Variants in CCDC144A observed in about 807,000 individuals in gnomAD.
CCDC144A encodes coiled-coil domain containing 144A, also known as coiled-coil domain-containing protein 144A.
CCDC144A carries 41 observed loss-of-function variants against 143.8 expected under a neutral mutation model. The ratio of observed to expected loss-of-function variants is 0.29; its 90% CI spans 0.22 to 0.37. The LOEUF (loss-of-function observed/expected upper bound fraction) is 0.37. Among genes scored for constraint, CCDC144A ranks in the 10% least tolerant of loss-of-function variants. CCDC144A has a pLI of 1.00. For missense variants in CCDC144A, 637 were observed against 1,488.8 expected, an observed-to-expected ratio of 0.43 and a Z score of 9.41; for synonymous variants, 242 against 517.9, an observed-to-expected ratio of 0.47 and a Z score of 7.23.
chr17:16,696,862 A>G (rs1247364002), intron 2 of CCDC144A, among the ~76,000 whole-genome samples: 3 of 151,748 alleles, frequency 2.0e-5, no homozygotes, highest in Non-Finnish European at 4.4e-5. Flanking sequence ...AGCTCCAAAC[A>G]TCATGGTCTC....
intron 2 of CCDC144A, among the ~76,000 whole-genome samples, 181 bp from the exon 3 acceptor site, chr17:16,704,970 A>C (rs1379487817): frequency 2.0e-5 from 3 of 152,228 alleles, no homozygotes; most frequent in Non-Finnish European, 4.4e-5. Flanking sequence ...AGTTAATTAT[A>C]CTTACCTGAA....
At chr17:16,675,938 C>G in the CCDC144A span, among the ~76,000 whole-genome samples, 1 of 151,322 alleles carries the variant, frequency 6.6e-6, no homozygotes, top group South Asian at 2.1e-4. Context: ...TCAGTAGAGA[C>G]GGGGTTTCAC....
At chr17:16,719,023 G>A (rs1912936338) in intron 6 of CCDC144A, among the ~76,000 whole-genome samples, 1 of 148,366 alleles carries the variant, frequency 6.7e-6, no homozygotes, top group African/African-American at 2.5e-5. Context: ...GTAGAGACGG[G>A]GTTTCATCAT....
intron 8 of CCDC144A, among the ~76,000 whole-genome samples, chr17:16,724,235 C>A (rs1053872832): frequency 1.3e-5 from 2 of 152,058 alleles, no homozygotes; most frequent in Non-Finnish European, 2.9e-5. Flanking sequence ...TGACTTAATT[C>A]TTTCATTAAG....
In CCDC144A at chr17:16,714,060, C is replaced by G. The variant is rs553561300; in HGVS notation, c.1715+2245C>G. ...AATATTGGACCCAATGGAAAACTCTCTCCTCCATAACAGTGTCTTCACTTG... is the reference window on the plus strand; with the variant it reads ...AATATTGGACCCAATGGAAAACTCTGTCCTCCATAACAGTGTCTTCACTTG... On this transcript the variant is annotated intron_variant, in intron 6 of 16. Transcript: ENST00000399273. Among the ~76,000 whole-genome samples, 551 of 152,248 alleles carry G rather than the reference C, an allele frequency of 3.6e-3. 2 individuals carry two copies. Among genetic ancestry groups the G allele is most frequent in the African/African-American group, 0.012 (502 of 41,542 alleles).
upstream of CCDC144A, among the ~76,000 whole-genome samples, chr17:16,686,444 C>T (rs28429386): frequency 4.6e-5 from 7 of 152,070 alleles, no homozygotes; most frequent in African/African-American, 1.7e-4. Flanking sequence ...GGAGTTTCCC[C>T]GACTACCATT....
At chr17:16,770,396 G>A (rs552787972) in intron 15 of CCDC144A, among the ~76,000 whole-genome samples, 2 of 152,166 alleles carry the variant, frequency 1.3e-5, no homozygotes, top group South Asian at 2.1e-4. Flanking sequence ...TGATCCTCCC[G>A]CCTCGGCCTC....
chr17:16,772,299 G>C (rs1161808192), intron 16 of CCDC144A, among the ~76,000 whole-genome samples: 1 of 152,174 alleles, frequency 6.6e-6, no homozygotes, highest in African/African-American at 2.4e-5. Context: ...CCAGCACACA[G>C]AAACGGTTCT....
At chr17:16,766,845 G>T (rs1406157339) in intron 15 of CCDC144A, among the ~76,000 whole-genome samples, 4 of 152,114 alleles carry the variant, frequency 2.6e-5, no homozygotes, top group Admixed American at 6.5e-5. Context: ...GGGGAAGGGG[G>T]TGTTCATTTT....
At chr17:16,694,069 CAGGCTA>C (rs1911259437) in intron 2 of CCDC144A, among the ~76,000 whole-genome samples, 1 of 148,612 alleles carries the variant, frequency 6.7e-6, no homozygotes, top group Admixed American at 6.7e-5. Context: ...TCAAGTTGAG[CAGGCTA>C]AGGAGAAGGA....
intron 4 of CCDC144A, 63 bp from the exon 5 acceptor site, chr17:16,708,733 C>A (rs754936357): frequency 2.5e-6 from 4 of 1,607,516 alleles, no homozygotes; most frequent in Non-Finnish European, 3.4e-6. Context: ...AACATGTAGC[C>A]CAACAGAGAA....
At chr17:16,677,489 T>C in the CCDC144A span, among the ~76,000 whole-genome samples, 1 of 152,024 alleles carries the variant, frequency 6.6e-6, no homozygotes, top group Non-Finnish European at 1.5e-5. Flanking sequence ...TCAAATTCCC[T>C]ATGTGATGGT....
rs59756018 is a variant in CCDC144A, at chr17:16,729,963, C to CATATATATATATATATAT, written c.2106-1825_2106-1808dup. ...CATATTGTACCTCAGTAGGTAGTTT[C>CATATATATATATATATAT]ATATATATATATATATATATATATA... is the stretch of plus-strand genomic sequence containing the variant. On this transcript the variant is annotated intron_variant, in intron 9 of 16. Coordinates refer to ENST00000399273, the MANE Select transcript of CCDC144A (RefSeq NM_001382000.1). Among the ~76,000 whole-genome samples, 399 of 93,890 alleles carry CATATATATATATATATAT rather than the reference C, an allele frequency of 4.2e-3. 6 individuals are homozygous for CATATATATATATATATAT. The highest frequency in any genetic ancestry group is 0.013 in the Middle Eastern group (2 of 154). 61.6% of individuals were successfully genotyped at this position (93,890 alleles called of 152,430 possible). A position where few individuals can be genotyped will look rare whatever the true frequency, so the allele number is the denominator to read the frequency against.
intron 12 of CCDC144A, chr17:16,746,544 G>A (rs1914530072): frequency 1.2e-6 from 2 of 1,613,452 alleles, no homozygotes; most frequent in Admixed American, 3.3e-5. Flanking sequence ...TTATATTCTG[G>A]ATCTTTGCTG....
At chr17:16,761,033 AATT>A in intron 12 of CCDC144A, among the ~76,000 whole-genome samples, 1 of 149,752 alleles carries the variant, frequency 6.7e-6, no homozygotes, top group African/African-American at 2.5e-5. Context: ...TTATTTCAAA[AATT>A]ATTAGTTTTG....
intron 12 of CCDC144A, among the ~76,000 whole-genome samples, chr17:16,749,642 TG>T (rs1191758645): frequency 6.6e-6 from 1 of 152,208 alleles, no homozygotes; most frequent in Non-Finnish European, 1.5e-5. Flanking sequence ...AGAAGTTCTT[TG>T]TTAGTTTTTT....
rs1597584049 is a variant in CCDC144A, at chr17:16,752,303, A to G, written c.3373-9122A>G. On this transcript the variant is annotated intron_variant, in intron 12 of 16. Transcript: ENST00000399273. ...TGACGATCTGAGGTGGAACAGTTCC[A>G]TCGCGAAACCATCCCCACCCCACCG... Among the ~76,000 whole-genome samples the G allele has an allele frequency of 2.0e-5, 3 of 152,180 alleles. No homozygotes were observed. In the South Asian group the frequency reaches 6.2e-4, roughly 32 times the overall value.
intron 12 of CCDC144A, among the ~76,000 whole-genome samples, chr17:16,741,791 G>A (rs552026862): frequency 1.3e-5 from 2 of 152,036 alleles, no homozygotes; most frequent in African/African-American, 4.8e-5. Flanking sequence ...CATATTTATG[G>A]TATACACAGT....
At chr17:16,700,283 C>T (rs551737742) in intron 2 of CCDC144A, among the ~76,000 whole-genome samples, 1 of 152,312 alleles carries the variant, frequency 6.6e-6, no homozygotes, top group African/African-American at 2.4e-5. Context: ...TTTGATGACA[C>T]ATGTGCAATG....
Sources: allele counts gnomAD v4.1 joint callset (sites outside exome capture counted in the v4.1 genomes callset), GRCh38; gene constraint gnomAD v4.1.1; transcripts MANE v1.5; gene names NCBI Gene and HGNC (gene_info 2026-07-23, HGNC 2026-07-21).